WDR36: variants seen among roughly 807,000 people sequenced by gnomAD.
The protein encoded by WDR36 is WD repeat-containing protein 36.
Under a neutral mutation model 112.7 loss-of-function variants are expected in WDR36, and 63 were observed. The ratio of observed to expected loss-of-function variants is 0.56; its 90% CI spans 0.46 to 0.69. WDR36 has a LOEUF of 0.69. Among genes scored for constraint, WDR36 ranks in the 30% least tolerant of loss-of-function variants. The pLI, the probability that WDR36 is intolerant of heterozygous loss-of-function variation, is 0.00. For synonymous variants in WDR36, 410 were observed against 362.2 expected (o/e 1.13, Z -1.50); for missense variants, 1,226 against 1,070.3 (o/e 1.15, Z -2.03).
intron 2 of WDR36, 31 bp from the exon 3 acceptor site, chr5:111,097,048 C>T (rs1020118689): frequency 1.3e-5 from 20 of 1,534,112 alleles, no homozygotes; most frequent in Non-Finnish European, 1.7e-5. Flanking sequence ...CTTAAAAATC[C>T]CTGTTTCTTT....
intron 16 of WDR36, 108 bp downstream of exon 16, chr5:111,113,261 T>C: frequency 3.3e-6 from 2 of 600,108 alleles, no homozygotes; most frequent in East Asian, 4.1e-5. Flanking sequence ...TCAATGTGAC[T>C]ATATTTGGAG....
intron 4 of WDR36, among the ~76,000 whole-genome samples, chr5:111,099,441 GTTTT>G (rs1234302447): frequency 1.0e-5 from 1 of 98,204 alleles, no homozygotes; most frequent in African/African-American, 4.2e-5. Context: ...TTGCCTCTTG[GTTTT>G]TTTTTGTTTT....
At position 111,113,054 on chromosome 5, in the gene WDR36, T is replaced by TAGATA; in HGVS notation, c.1717-20_1717-19insAGATA. ...ATAAATAATATATATATATATATATTTTTTTTTTTTAATTTAAAGGCTTTT... is the reference window on the plus strand; with the variant it reads ...ATAAATAATATATATATATATATATTAGATATTTTTTTTTTAATTTAAAGGCTTTT... On this transcript the variant is annotated intron_variant, in intron 15 of 22. Coordinates refer to ENST00000513710, the MANE Select transcript of WDR36 (RefSeq NM_139281.3). 7.2e-6 allele frequency: 2 copies of TAGATA among 276,052 alleles called. No homozygotes were observed. The highest frequency in any genetic ancestry group is 4.3e-5 in the African/African-American group (1 of 23,042). The allele number at this position is 276,052 out of a possible 1,614,324, so 17.1% of individuals were successfully genotyped here.
In WDR36 at chr5:111,124,002, A is replaced by G. The variant is rs936147493; in HGVS notation, c.2268+78A>G. 2.2e-5 allele frequency: 36 copies of G among 1,604,292 alleles called. No homozygotes were observed. In the Admixed American group the frequency reaches 5.8e-4, roughly 26 times the overall value. On this transcript the variant is annotated intron_variant, in intron 20 of 22. Transcript: ENST00000513710. ...TTTCTGCACTTCTTTACCAAGACCT[A>G]GTTTTACAGATATAGGGTAAATTAA...
intron 6 of WDR36, 31 bp from the exon 7 acceptor site, chr5:111,103,755 A>G (rs766045886): frequency 1.2e-6 from 2 of 1,609,426 alleles, no homozygotes; most frequent in Admixed American, 1.7e-5. Flanking sequence ...TTTGCTTAAG[A>G]AAGTAAAAGT....
chr5:111,126,792 C>T lies in WDR36; in HGVS notation c.2597C>T (p.Ser866Leu). The change falls in exon 23 of 23, where the codon TCA (serine) becomes TTA (leucine). Residue 866 changes from serine to leucine, a missense_variant. Transcript: ENST00000513710. ...CTCCTAGAAGAAATAACAAATTTGT[C>T]ATCCCAGGTGGAAGAAAACTGGACC... ...PVLLEEITNL[S>L]SQVEENWTHL... 6.2e-7 allele frequency: 1 copy of T among 1,613,772 alleles called. No homozygotes were observed. Among genetic ancestry groups the T allele is most frequent in the African/African-American group, 1.3e-5 (1 of 75,014 alleles).
chr5:111,111,131 G>GT (rs752541599), intron 14 of WDR36, 39 bp from the exon 15 acceptor site: 3 of 1,598,270 alleles, frequency 1.9e-6, no homozygotes, highest in South Asian at 2.2e-5. Flanking sequence ...TAGTTCAAGG[G>GT]TTTTTTGTTT....
chr5:111,115,753 T>A (rs962006718), intron 16 of WDR36, among the ~76,000 whole-genome samples: 2 of 152,208 alleles, frequency 1.3e-5, no homozygotes, highest in Non-Finnish European at 1.5e-5. Context: ...TGTGCCTATC[T>A]GAAACAAATT....
At chr5:111,108,742 C>T (rs1753268110) in intron 12 of WDR36, among the ~76,000 whole-genome samples, 1 of 151,270 alleles carries the variant, frequency 6.6e-6, no homozygotes, top group African/African-American at 2.4e-5. Flanking sequence ...GTAAAACAGG[C>T]TTTATGAGCA....
intron 4 of WDR36, among the ~76,000 whole-genome samples, chr5:111,100,168 A>T (rs1012003650): frequency 6.6e-6 from 1 of 151,956 alleles, no homozygotes; most frequent in Non-Finnish European, 1.5e-5. Flanking sequence ...TGGCCCATCA[A>T]ACTTTCCAGA....
In WDR36 at chr5:111,129,032, G is replaced by GT. The variant is rs1304218969; in HGVS notation, c.*2150dup. 5.1e-6 allele frequency: 1 copy of GT among 195,510 alleles called. No individual in the cohort carries two copies. Among genetic ancestry groups the GT allele is most frequent in the Non-Finnish European group, 1.1e-5 (1 of 94,054 alleles). The allele number at this position is 195,510 out of a possible 1,614,324, so 12.1% of individuals were successfully genotyped here. Reference sequence around the variant, plus strand: ...GTATAGTTACGATTTTTACATACGTGTATGTATATTATTGTACAACTTGCT... The same window carrying GT: ...GTATAGTTACGATTTTTACATACGTGTTATGTATATTATTGTACAACTTGCT... On this transcript the variant is annotated 3_prime_UTR_variant, in exon 23 of 23. Transcript: ENST00000513710.
intron 16 of WDR36, 60 bp from the exon 17 acceptor site, chr5:111,118,953 G>A (rs1753509629): frequency 7.9e-6 from 11 of 1,398,868 alleles, no homozygotes; most frequent in Non-Finnish European, 1.1e-5. Context: ...AAATATTTTT[G>A]TGAATTATCT....
At chr5:111,109,968 TA>T (rs1351906044) in intron 12 of WDR36, among the ~76,000 whole-genome samples, 1 of 151,508 alleles carries the variant, frequency 6.6e-6, no homozygotes, top group Non-Finnish European at 1.5e-5. Flanking sequence ...TTTTCTTAGA[TA>T]GTAATTCTTC....
At chr5:111,102,467 A>G in intron 6 of WDR36, 68 bp downstream of exon 6, 1 of 1,479,238 alleles carries the variant, frequency 6.8e-7, no homozygotes, top group Non-Finnish European at 9.4e-7. Flanking sequence ...TTCAGGAATC[A>G]ATCATAATTT....
intron 21 of WDR36, 26 bp from the exon 22 acceptor site, chr5:111,125,582 C>T: frequency 6.3e-7 from 1 of 1,598,844 alleles, no homozygotes; most frequent in Non-Finnish European, 8.6e-7. Flanking sequence ...ATAATCAAGT[C>T]ATAACTGGAT....
At chr5:111,122,722 C>G (rs965576852) in intron 19 of WDR36, among the ~76,000 whole-genome samples, 1 of 152,176 alleles carries the variant, frequency 6.6e-6, no homozygotes, top group Non-Finnish European at 1.5e-5. Context: ...TAGAATGTCT[C>G]CCTAGGGCGG....
At chr5:111,124,714 C>T (rs1199889032) in intron 21 of WDR36, among the ~76,000 whole-genome samples, 1 of 152,076 alleles carries the variant, frequency 6.6e-6, no homozygotes, top group African/African-American at 2.4e-5. Flanking sequence ...GAACTGTAAT[C>T]ATTTAAAAAA....
At chr5:111,102,754 G>A (rs987256171) in intron 6 of WDR36, among the ~76,000 whole-genome samples, 2 of 151,656 alleles carry the variant, frequency 1.3e-5, no homozygotes, top group South Asian at 4.1e-4. Context: ...AGAGAAATTT[G>A]TCAAGATGTT....
At chr5:111,113,893 A>G (rs1753400833) in intron 16 of WDR36, among the ~76,000 whole-genome samples, 2 of 152,128 alleles carry the variant, frequency 1.3e-5, no homozygotes, top group African/African-American at 4.8e-5. Context: ...GAATGGGTTA[A>G]TCCATTAATG....
Sources: gnomAD v4.1 joint callset for allele counts (sites outside exome capture counted in the v4.1 genomes callset) on GRCh38, gnomAD v4.1.1 for gene constraint, MANE v1.5 for transcripts, NCBI Gene and HGNC (gene_info 2026-07-23, HGNC 2026-07-21) for gene names.